Variants in EXOC6B observed in about 807,000 individuals in gnomAD.
EXOC6B encodes the protein exocyst complex component 6B.
In EXOC6B, 54 loss-of-function variants were observed where a neutral mutation model predicts 113.5. The observed-to-expected ratio is 0.48, with a 90% CI of 0.38 to 0.60. EXOC6B has a LOEUF of 0.60. Ranked by LOEUF, EXOC6B falls within the 20% of genes least tolerant of loss-of-function variation. The probability of loss-of-function intolerance (pLI) is 0.00; values close to 1 mark genes in which losing one functional copy is unlikely to be tolerated. For missense variants in EXOC6B, 797 were observed against 977.5 expected (o/e 0.82, Z 2.46); for synonymous variants, 357 against 339.0 (o/e 1.05, Z -0.58).
chr2:72,476,031 A>G (rs2105468223), intron 17 of EXOC6B, among the ~76,000 whole-genome samples: 1 of 152,298 alleles, frequency 6.6e-6, no homozygotes, highest in African/African-American at 2.4e-5. Flanking sequence ...CAGGGCTCTA[A>G]GATGGCGGCT....
chr2:72,295,326 T>A (rs570982609), intron 20 of EXOC6B, among the ~76,000 whole-genome samples: 5 of 152,298 alleles, frequency 3.3e-5, no homozygotes, highest in Admixed American at 6.5e-5. Flanking sequence ...CCTTTTCTTT[T>A]AAACTATATA....
At chr2:72,292,207 GTGTGTA>G (rs1409810741) in intron 20 of EXOC6B, among the ~76,000 whole-genome samples, 27 of 144,828 alleles carry the variant, frequency 1.9e-4, no homozygotes, top group African/African-American at 6.7e-4. Flanking sequence ...GTGTGTGTGT[GTGTGTA>G]CCTTATAAAT....
At chr2:72,326,440 T>TC (rs1289057637) in intron 20 of EXOC6B, among the ~76,000 whole-genome samples, 1 of 151,974 alleles carries the variant, frequency 6.6e-6, no homozygotes, top group Non-Finnish European at 1.5e-5. Flanking sequence ...GTTACCTAGG[T>TC]CCCCTATGAT....
In EXOC6B at chr2:72,741,288, C is replaced by T. The variant is rs549716301; in HGVS notation, c.279+16G>A. On this transcript the variant is annotated intron_variant, in intron 2 of 21. Coordinates refer to ENST00000272427, the MANE Select transcript of EXOC6B (RefSeq NM_015189.3). ...AACACAGGACGGAGAAACAGTATCT[C>T]TTAGAGCCTTCTTACTTTGAGTTTC... The T allele has an allele frequency of 2.5e-6, 4 of 1,610,418 alleles. No individual in the cohort carries two copies. The highest frequency in any genetic ancestry group is 3.4e-6 in the Non-Finnish European group (4 of 1,178,728).
chr2:72,505,569 C>T (rs1306708957), intron 11 of EXOC6B, among the ~76,000 whole-genome samples: 1 of 152,126 alleles, frequency 6.6e-6, no homozygotes, highest in African/African-American at 2.4e-5. Context: ...AGGTACCCAT[C>T]TTCCCTATAA....
At chr2:72,663,489 T>C (rs1675168128) in intron 6 of EXOC6B, among the ~76,000 whole-genome samples, 1 of 152,174 alleles carries the variant, frequency 6.6e-6, no homozygotes, top group South Asian at 2.1e-4. Context: ...TACAAAACAC[T>C]TCTAAATAAT....
intron 8 of EXOC6B, chr2:72,515,837 T>C: frequency 1.6e-6 from 1 of 614,424 alleles, no homozygotes; most frequent in Non-Finnish European, 2.0e-6. Context: ...ATGTAATTGG[T>C]TAAATTAAGA....
At chr2:72,419,718 CT>C (rs1185037405) in intron 18 of EXOC6B, among the ~76,000 whole-genome samples, 1 of 152,184 alleles carries the variant, frequency 6.6e-6, no homozygotes, top group Non-Finnish European at 1.5e-5. Flanking sequence ...TTATCTCTTG[CT>C]ACTTTCAAGG....
intron 20 of EXOC6B, among the ~76,000 whole-genome samples, chr2:72,262,181 C>A (rs1430255974): frequency 6.6e-6 from 1 of 152,006 alleles, no homozygotes; most frequent in Admixed American, 6.6e-5. Flanking sequence ...GTCTTAGGAT[C>A]AAGAACTTCC....
At chr2:72,613,534 C>G (rs1401575530) in intron 6 of EXOC6B, among the ~76,000 whole-genome samples, 1 of 151,696 alleles carries the variant, frequency 6.6e-6, no homozygotes, top group African/African-American at 2.4e-5. Context: ...TATACAAAAA[C>G]AAAGTATAAA....
At chr2:72,630,825 TA>T (rs1047766045) in intron 6 of EXOC6B, among the ~76,000 whole-genome samples, 17 of 152,282 alleles carry the variant, frequency 1.1e-4, no homozygotes, top group African/African-American at 4.1e-4. Flanking sequence ...TAAATCATAC[TA>T]ACTGTATTTG....
intron 15 of EXOC6B, among the ~76,000 whole-genome samples, chr2:72,494,481 T>G (rs914534393): frequency 6.6e-6 from 1 of 152,126 alleles, no homozygotes; most frequent in Non-Finnish European, 1.5e-5. Flanking sequence ...CCATGTTTCA[T>G]TTATTTTCTT....
At chr2:72,208,317 T>A (rs1248586170) in intron 20 of EXOC6B, among the ~76,000 whole-genome samples, 1 of 152,116 alleles carries the variant, frequency 6.6e-6, no homozygotes, top group Non-Finnish European at 1.5e-5. Context: ...TGTTCCCACT[T>A]ATAATTGAGA....
intron 7 of EXOC6B, among the ~76,000 whole-genome samples, chr2:72,570,504 G>A (rs1704450791): frequency 6.6e-6 from 1 of 152,108 alleles, no homozygotes; most frequent in Non-Finnish European, 1.5e-5. Context: ...CTTCAAAAGA[G>A]ACACCAAAAT....
At chr2:72,520,836 T>C (rs936886127) in intron 8 of EXOC6B, among the ~76,000 whole-genome samples, 2 of 152,160 alleles carry the variant, frequency 1.3e-5, no homozygotes, top group African/African-American at 4.8e-5. Context: ...TACAGGATCT[T>C]CCTATATGTG....
Position 72,379,738 on chromosome 2 carries a change from C to T in EXOC6B, c.2113G>A (p.Glu705Lys). 6.2e-7 allele frequency: 1 copy of T among 1,610,538 alleles called. No homozygotes were observed. Among genetic ancestry groups the T allele is most frequent in the Non-Finnish European group, 8.5e-7 (1 of 1,178,082 alleles). The change falls in exon 19 of 22, where the codon GAA (glutamate) becomes AAA (lysine). Residue 705 changes from glutamate to lysine, a missense_variant. Coordinates refer to ENST00000272427, the MANE Select transcript of EXOC6B (RefSeq NM_015189.3). ...ATGGTCACTGTCTTACGTTCACATT[C>T]TCTGACGTCCAAGTTGAACTGCTGT... ...ALQQFNLDVRECEQFARSGPV... is the reference protein window; with the variant it reads ...ALQQFNLDVRKCEQFARSGPV...
chr2:72,182,491 C>A (rs750724457), intron 21 of EXOC6B, among the ~76,000 whole-genome samples: 1 of 152,058 alleles, frequency 6.6e-6, no homozygotes, highest in Non-Finnish European at 1.5e-5. Context: ...AATAAAGGGT[C>A]TTCTATAAGA....
At position 72,385,456 on chromosome 2, in the gene EXOC6B, C is replaced by CT. The variant is rs989604339; in HGVS notation, c.1981-5587dup. On this transcript the variant is annotated intron_variant, in intron 18 of 21. Coordinates refer to ENST00000272427, the MANE Select transcript of EXOC6B (RefSeq NM_015189.3). ...TCCATGACATTGATCTGTACAATGACTTTTTTTTTTGTATATAACCACAAA... is the reference window on the plus strand; with the variant it reads ...TCCATGACATTGATCTGTACAATGACTTTTTTTTTTTGTATATAACCACAAA... Among the ~76,000 whole-genome samples, 243 of 146,598 alleles carry CT rather than the reference C, an allele frequency of 1.7e-3. 1 individual carries two copies. Among genetic ancestry groups the CT allele is most frequent in the Admixed American group, 3.2e-3 (47 of 14,656 alleles).
chr2:72,765,151 C>G (rs2104917840), intron 1 of EXOC6B, among the ~76,000 whole-genome samples: 1 of 152,026 alleles, frequency 6.6e-6, no homozygotes, highest in East Asian at 1.9e-4. Flanking sequence ...AAAAAATTAG[C>G]CGGGCATGGT....
Sources: gnomAD v4.1 joint callset for allele counts (sites outside exome capture counted in the v4.1 genomes callset) on GRCh38, gnomAD v4.1.1 for gene constraint, MANE v1.5 for transcripts, NCBI Gene and HGNC (gene_info 2026-07-23, HGNC 2026-07-21) for gene names.